PRKN: variants seen among roughly 807,000 people sequenced by gnomAD.
PRKN encodes the protein E3 ubiquitin-protein ligase parkin.
A neutral mutation model predicts 59.5 loss-of-function variants in PRKN; 56 were observed. The observed-to-expected ratio is 0.94, with a 90% confidence interval of 0.76 to 1.18. The LOEUF (loss-of-function observed/expected upper bound fraction) is 1.18. PRKN is among the 50% of genes most tolerant of loss of function. PRKN has a pLI of 0.00. For synonymous variants in PRKN, 250 were observed against 222.1 expected (o/e 1.13, Z -1.12); for missense variants, 657 against 596.4 (o/e 1.10, Z -1.06).
chr6:162,211,395 G>C (rs1002602178), intron 3 of PRKN, among the ~76,000 whole-genome samples: 1 of 152,158 alleles, frequency 6.6e-6, no homozygotes, highest in East Asian at 1.9e-4. Flanking sequence ...TCAAAGATTA[G>C]CACATGTTCT....
intron 5 of PRKN, among the ~76,000 whole-genome samples, chr6:162,028,417 G>C (rs1175148188): frequency 2.0e-5 from 3 of 152,182 alleles, no homozygotes; most frequent in African/African-American, 7.2e-5. Context: ...GCGAGGCAGG[G>C]GAAGACAAGC....
intron 1 of PRKN, among the ~76,000 whole-genome samples, chr6:162,674,923 C>T (rs528886254): frequency 3.9e-5 from 6 of 152,182 alleles, no homozygotes; most frequent in East Asian, 1.9e-4. Context: ...AAGTCAAAAA[C>T]GATTTCATGG....
chr6:161,680,759 ATATATATATATATATATTTTT>A (rs1168047465), intron 7 of PRKN, among the ~76,000 whole-genome samples: 395 of 11,442 alleles, frequency 0.035, 11 homozygotes, highest in Non-Finnish European at 0.052. Context: ...ATATATATAT[ATATATATATATATATATTTTT>A]TTTTTTTTTT....
At chr6:161,710,857 C>CTT (rs1440436585) in intron 7 of PRKN, among the ~76,000 whole-genome samples, 1 of 54,244 alleles carries the variant, frequency 1.8e-5, no homozygotes, top group South Asian at 8.9e-4. Context: ...TCTTCCCTTC[C>CTT]CTTCCCTTTC....
chr6:162,243,890 G>A (rs779074110), intron 3 of PRKN, among the ~76,000 whole-genome samples: 6 of 151,976 alleles, frequency 3.9e-5, no homozygotes, highest in Non-Finnish European at 5.9e-5. Flanking sequence ...TGTAATTCAC[G>A]AATATATGGT....
chr6:162,461,692 G>A lies in PRKN; in HGVS notation c.8-18219C>T, dbSNP rs189089400. ...AAAAATTAGCCAGGTGTGGTGGTGC[G>A]TTCCTGTAACCCCAGCTACTCGGGG... On this transcript the variant is annotated intron_variant, in intron 1 of 11. Transcript: ENST00000366898. Among the ~76,000 whole-genome samples the A allele has an allele frequency of 1.7e-4, 25 of 151,396 alleles. 1 individual carries two copies. The highest frequency in any genetic ancestry group is 5.8e-4 in the East Asian group (3 of 5,134).
intron 1 of PRKN, among the ~76,000 whole-genome samples, chr6:162,664,091 T>C (rs1779003477): frequency 6.6e-6 from 1 of 152,124 alleles, no homozygotes; most frequent in Admixed American, 6.5e-5. Flanking sequence ...TGTTACCCTG[T>C]GTCCAGGTGT....
At chr6:161,663,702 G>T (rs970289827) in intron 7 of PRKN, among the ~76,000 whole-genome samples, 3 of 152,110 alleles carry the variant, frequency 2.0e-5, no homozygotes, top group Non-Finnish European at 2.9e-5. Flanking sequence ...AACTGCAAAG[G>T]ATTTCACTTT....
rs556427818 is a variant in PRKN, at chr6:162,722,536, T to C, written c.7+5126A>G. ...TTAAATGCAAATTAAAACAGAAACA[T>C]TGAATAAGCACTGGGCTACAATTAA... is the stretch of plus-strand genomic sequence containing the variant. On this transcript the variant is annotated intron_variant, in intron 1 of 11. Coordinates refer to ENST00000366898, the MANE Select transcript of PRKN (RefSeq NM_004562.3). Among the ~76,000 whole-genome samples the C allele has an allele frequency of 3.2e-4, 48 of 152,088 alleles. 1 individual carries two copies. Among genetic ancestry groups the C allele is most frequent in the South Asian group, 2.1e-4 (1 of 4,814 alleles).
At chr6:162,607,224 T>C (rs754612616) in intron 1 of PRKN, among the ~76,000 whole-genome samples, 6 of 152,126 alleles carry the variant, frequency 3.9e-5, no homozygotes, top group Non-Finnish European at 7.4e-5. Context: ...ATGAATGCCA[T>C]GGACATAAAT....
intron 7 of PRKN, among the ~76,000 whole-genome samples, chr6:161,611,234 T>C (rs1305540867): frequency 1.3e-5 from 2 of 152,206 alleles, no homozygotes; most frequent in Non-Finnish European, 2.9e-5. Flanking sequence ...TATGTGCGTA[T>C]ATGCAGGGCG....
At chr6:161,703,835 CTCTCTTTTTTTTTTTT>C (rs1583028396) in intron 7 of PRKN, among the ~76,000 whole-genome samples, 18 of 126,418 alleles carry the variant, frequency 1.4e-4, no homozygotes, top group African/African-American at 3.2e-4. Context: ...CTCTCTCTCT[CTCTCTTTTTTTTTTTT>C]TTTTTTTTTT....
chr6:161,608,628 G>A (rs549594029), intron 7 of PRKN, among the ~76,000 whole-genome samples: 1 of 152,078 alleles, frequency 6.6e-6, no homozygotes, highest in South Asian at 2.1e-4. Flanking sequence ...TGCCTCCCAG[G>A]TTCAAGTGAT....
At chr6:162,363,743 C>A (rs1289072303) in intron 2 of PRKN, among the ~76,000 whole-genome samples, 1 of 152,160 alleles carries the variant, frequency 6.6e-6, no homozygotes, top group Non-Finnish European at 1.5e-5. Flanking sequence ...AAAATTACAA[C>A]TCACTGGGAG....
intron 5 of PRKN, among the ~76,000 whole-genome samples, chr6:162,018,558 A>G (rs73785320): frequency 6.6e-6 from 1 of 152,200 alleles, no homozygotes; most frequent in South Asian, 2.1e-4. Flanking sequence ...AAGCTCTCAT[A>G]ATCTTGACAG....
intron 6 of PRKN, among the ~76,000 whole-genome samples, chr6:161,867,920 CT>C (rs1285081111): frequency 1.3e-5 from 2 of 151,810 alleles, no homozygotes; most frequent in African/African-American, 2.4e-5. Flanking sequence ...ACCACCATGC[CT>C]GGCTAATTTT....
chr6:162,518,712 A>T (rs769630250), intron 1 of PRKN, among the ~76,000 whole-genome samples: 2 of 152,168 alleles, frequency 1.3e-5, no homozygotes, highest in Non-Finnish European at 2.9e-5. Flanking sequence ...AATAGTAACT[A>T]TTGCATTTAG....
intron 6 of PRKN, among the ~76,000 whole-genome samples, chr6:161,903,453 G>C (rs1778013310): frequency 6.6e-6 from 1 of 152,172 alleles, no homozygotes; most frequent in Non-Finnish European, 1.5e-5. Context: ...CGAAGGCAAA[G>C]AAAAGAGGGT....
In PRKN at chr6:161,386,728, G is replaced by A; in HGVS notation, c.1167+66C>T. The A allele has an allele frequency of 8.0e-7, 1 of 1,246,782 alleles. No individual in the cohort carries two copies. The highest frequency in any genetic ancestry group is 1.7e-5 in the Admixed American group (1 of 59,564). The allele number at this position is 1,246,782 out of a possible 1,614,324, so 77.2% of individuals were successfully genotyped here. On this transcript the variant is annotated intron_variant, in intron 10 of 11. Transcript: ENST00000366898. This position sits in a 1 kb window ranked among gnomAD's most constrained non-coding sequence, Gnocchi z 4.3. ...GAATGGAACTCTCCATGACCTCCAG[G>A]AAACGGCTCCAGTCCCCCACTGTAT...
Sources: allele counts gnomAD v4.1 joint callset (sites outside exome capture counted in the v4.1 genomes callset), GRCh38; gene constraint gnomAD v4.1.1; non-coding constraint Gnocchi (gnomAD v3.1); transcripts MANE v1.5; gene names NCBI Gene and HGNC (gene_info 2026-07-23, HGNC 2026-07-21).